TRIM35: variants seen among roughly 807,000 people sequenced by gnomAD.
The protein encoded by TRIM35 is tripartite motif containing 35.
A neutral mutation model predicts 49.1 loss-of-function variants in TRIM35; 37 were observed. The observed-to-expected ratio is 0.75, with a 90% CI of 0.58 to 0.99. The LOEUF (loss-of-function observed/expected upper bound fraction) is 0.99, where lower values mean the gene tolerates loss of function less well. Among genes scored for constraint, TRIM35 ranks in the 50% least tolerant of loss-of-function variants. TRIM35 has a pLI of 0.00. For synonymous variants in TRIM35, 302 were observed against 289.3 expected, an observed-to-expected ratio of 1.04 and a Z score of -0.45; for missense variants, 648 against 702.7, an observed-to-expected ratio of 0.92 and a Z score of 0.88.
intron 1 of TRIM35, among the ~76,000 whole-genome samples, chr8:27,302,068 CTGTAA>C (rs1802692184): frequency 1.3e-5 from 2 of 152,274 alleles, no homozygotes; most frequent in South Asian, 4.1e-4. Flanking sequence ...ATTTCTATAG[CTGTAA>C]AAAAGAGAGG....
intron 5 of TRIM35, 116 bp downstream of exon 5, chr8:27,289,046 G>C: frequency 1.3e-6 from 1 of 742,784 alleles, no homozygotes; most frequent in African/African-American, 1.7e-5. Flanking sequence ...GCTGAGAGAG[G>C]AGGGGAGCTC....
intron 3 of TRIM35, among the ~76,000 whole-genome samples, chr8:27,293,836 C>G (rs1047639641): frequency 6.6e-6 from 1 of 152,014 alleles, no homozygotes; most frequent in African/African-American, 2.4e-5. Context: ...CTGGGTGATA[C>G]AGCAAGACCC....
chr8:27,297,772 A>G (rs1017388586), intron 2 of TRIM35, among the ~76,000 whole-genome samples: 10 of 152,298 alleles, frequency 6.6e-5, no homozygotes, highest in Non-Finnish European at 1.2e-4. Context: ...TGTTCTGGGG[A>G]GAAGACTTAG....
In TRIM35 at chr8:27,310,802, C is replaced by G; in HGVS notation, c.434G>C (p.Arg145Pro). The G allele has an allele frequency of 6.3e-7, 1 of 1,583,516 alleles. No individual in the cohort carries two copies. The highest frequency in any genetic ancestry group is 8.6e-7 in the Non-Finnish European group (1 of 1,159,882). ...QPVKDTAHDF[R>P]AKCRNMEHAL... ...CCTCGTGCAAATCGCTGCTCTTACC[C>G]GAAAGTCGTGGGCAGTGTCCTTCAC... The change falls in exon 1 of 6, where the codon CGG becomes CCG. Residue 145 changes from arginine to proline, a missense_variant and splice_region_variant. Arg to Pro is a moderately radical substitution (Grantham distance 103). Transcript: ENST00000305364.
rs1313933963 is a variant in TRIM35, at chr8:27,293,298, C to T, written c.762+782G>A. 4.6e-5 allele frequency among the ~76,000 whole-genome samples: 7 copies of T among 151,828 alleles called. No individual in the cohort carries two copies. In the East Asian group the frequency reaches 1.4e-3, roughly 29 times the overall value. On this transcript the variant is annotated intron_variant, in intron 3 of 5. Coordinates refer to ENST00000305364, the MANE Select transcript of TRIM35 (RefSeq NM_171982.5). ...ACCAGCTTTCGAGCCCAGAAATTTC[C>T]CTGTAGGAAATTTGTAAGGACCACT...
intron 3 of TRIM35, 127 bp from the exon 4 acceptor site, chr8:27,290,305 A>ATAT: frequency 1.1e-6 from 1 of 878,540 alleles, no homozygotes; most frequent in Non-Finnish European, 1.8e-6. Context: ...GATGTTAACA[A>ATAT]TAACATCCCT....
intron 1 of TRIM35, among the ~76,000 whole-genome samples, chr8:27,308,668 C>T (rs541389668): frequency 6.6e-6 from 1 of 152,346 alleles, no homozygotes; most frequent in East Asian, 1.9e-4. Context: ...ACACAACAGC[C>T]ATCAGTACCC....
chr8:27,310,389 C>A (rs1423878086), intron 1 of TRIM35, among the ~76,000 whole-genome samples: 1 of 152,198 alleles, frequency 6.6e-6, no homozygotes, highest in African/African-American at 2.4e-5. Flanking sequence ...ACTCCACACC[C>A]CTGGCCAGGT....
At chr8:27,298,699 G>A in intron 1 of TRIM35, 140 bp from the exon 2 acceptor site, 1 of 694,712 alleles carries the variant, frequency 1.4e-6, no homozygotes, top group African/African-American at 1.7e-5. Flanking sequence ...CCCCATCCAT[G>A]CCAAGTGCTC....
chr8:27,297,165 GCC>G (rs1334742026), intron 2 of TRIM35, among the ~76,000 whole-genome samples: 1 of 152,152 alleles, frequency 6.6e-6, no homozygotes, highest in African/African-American at 2.4e-5. Context: ...AAACTCCACA[GCC>G]AAATGTTAAT....
At chr8:27,297,295 G>A (rs527639876) in intron 2 of TRIM35, among the ~76,000 whole-genome samples, 38 of 152,192 alleles carry the variant, frequency 2.5e-4, no homozygotes, top group South Asian at 4.1e-4. Flanking sequence ...GCTAAGATGA[G>A]TCTAACAGAG....
intron 4 of TRIM35, among the ~76,000 whole-genome samples, chr8:27,289,539 C>A (rs1441678009): frequency 6.6e-6 from 1 of 152,258 alleles, no homozygotes; most frequent in Non-Finnish European, 1.5e-5. Context: ...GGTTCTCCAA[C>A]ATGGCTGCCA....
chr8:27,304,809 T>C lies in TRIM35; in HGVS notation c.435+5992A>G, dbSNP rs144008149. 973 of 456,786 alleles carry C rather than the reference T, an allele frequency of 2.1e-3. 13 individuals are homozygous for C. Among genetic ancestry groups the C allele is most frequent in the African/African-American group, 0.018 (896 of 50,172 alleles). The allele number at this position is 456,786 out of a possible 1,614,324, so 28.3% of individuals were successfully genotyped here. A position where few individuals can be genotyped will look rare whatever the true frequency, so the allele number is the denominator to read the frequency against. Reference sequence around the variant, plus strand: ...GGAGAGCTGGTTTGGAGCCTTGTCTTTGTCACTATCCACTGGTGAGTTGGT... The same window carrying C: ...GGAGAGCTGGTTTGGAGCCTTGTCTCTGTCACTATCCACTGGTGAGTTGGT... On this transcript the variant is annotated intron_variant, in intron 1 of 5. Transcript: ENST00000305364.
rs772303853 is a variant in TRIM35 at position 27,289,232 on chromosome 8, G to A, written c.834C>T (p.Ile278=). 22 of 1,614,176 alleles carry A rather than the reference G, an allele frequency of 1.4e-5. No homozygotes were observed. In the East Asian group the frequency reaches 3.8e-4, roughly 28 times the overall value. Residue 278 remains isoleucine, a synonymous_variant, in exon 5 of 6, where the codon ATC becomes ATT. Transcript: ENST00000305364. ...GGGAGCCCAGGTACTTGCAGACATC[G>A]ATAAGCATGCCGGGCTGGACTGGCT... ...EPEPVQPGML[I]DVCKYLGSLQ...
chr8:27,293,420 A>G (rs1802495679), intron 3 of TRIM35, among the ~76,000 whole-genome samples: 1 of 152,250 alleles, frequency 6.6e-6, no homozygotes, highest in African/African-American at 2.4e-5. Flanking sequence ...TTAAGAAGAC[A>G]GAAAGCCAAG....
chr8:27,304,802 C>A (rs984748641), intron 1 of TRIM35: 1 of 456,514 alleles, frequency 2.2e-6, no homozygotes, highest in African/African-American at 2.0e-5. Flanking sequence ...GGTTTGGAGC[C>A]TTGTCTTTGT....
At chr8:27,297,767 T>C (rs1802599526) in intron 2 of TRIM35, among the ~76,000 whole-genome samples, 1 of 152,190 alleles carries the variant, frequency 6.6e-6, no homozygotes. Context: ...GCATGTGTTC[T>C]GGGGAGAAGA....
At chr8:27,304,859 A>G (rs1364447279) in intron 1 of TRIM35, 1 of 453,686 alleles carries the variant, frequency 2.2e-6, no homozygotes, top group Non-Finnish European at 4.4e-6. Flanking sequence ...CTCTTCGGCT[A>G]TCAGGCTCCT....
rs534187245 is a variant in TRIM35, at chr8:27,293,923, T to A, written c.762+157A>T. On this transcript the variant is annotated intron_variant, in intron 3 of 5. Transcript: ENST00000305364. Reference sequence around the variant, plus strand: ...TCCGCCCTGATAAGTCTTTTTAGTTTCATGACACAAGCAGAGCAGGTTACT... The same window carrying A: ...TCCGCCCTGATAAGTCTTTTTAGTTACATGACACAAGCAGAGCAGGTTACT... The A allele has an allele frequency of 2.6e-5, 17 of 649,910 alleles. No homozygotes were observed. The East Asian group carries it at 4.4e-4, about 17-fold the overall frequency. The allele number at this position is 649,910 out of a possible 1,614,324, so 40.3% of individuals were successfully genotyped here.
Sources: gnomAD v4.1 joint callset for allele counts (sites outside exome capture counted in the v4.1 genomes callset) on GRCh38, gnomAD v4.1.1 for gene constraint, MANE v1.5 for transcripts, NCBI Gene and HGNC (gene_info 2026-07-23, HGNC 2026-07-21) for gene names.